MACROD2: variants seen among roughly 807,000 people sequenced by gnomAD.
MACROD2 encodes the protein mono-ADP ribosylhydrolase 2, also known as ADP-ribose glycohydrolase MACROD2.
In MACROD2, 36 loss-of-function variants were observed where a neutral mutation model predicts 70.4. That is an observed-to-expected ratio of 0.51 (90% confidence interval 0.39 to 0.68). MACROD2 has a LOEUF of 0.68. Among genes scored for constraint, MACROD2 ranks in the 30% least tolerant of loss-of-function variants. The probability of loss-of-function intolerance (pLI) is 0.00; values close to 1 mark genes in which losing one functional copy is unlikely to be tolerated. For synonymous variants in MACROD2, 172 were observed against 178.8 expected (o/e 0.96, Z 0.30); for missense variants, 496 against 538.4 (o/e 0.92, Z 0.78).
intron 3 of MACROD2, among the ~76,000 whole-genome samples, chr20:14,311,546 T>C (rs2082566889): frequency 6.6e-6 from 1 of 152,010 alleles, no homozygotes; most frequent in African/African-American, 2.4e-5. Flanking sequence ...TGAGACTGAG[T>C]TCACTCCGTC....
At chr20:15,694,073 C>T (rs76351327) in intron 8 of MACROD2, among the ~76,000 whole-genome samples, 3 of 152,118 alleles carry the variant, frequency 2.0e-5, no homozygotes, top group African/African-American at 7.2e-5. Context: ...GCATAGTATT[C>T]CATCATATAT....
intron 8 of MACROD2, among the ~76,000 whole-genome samples, chr20:15,504,066 T>A (rs1358238928): frequency 6.6e-6 from 1 of 152,180 alleles, no homozygotes; most frequent in Non-Finnish European, 1.5e-5. Context: ...GAATGTGCAC[T>A]TTTTCTTTCC....
intron 5 of MACROD2, among the ~76,000 whole-genome samples, chr20:14,695,907 G>T (rs2071120222): frequency 6.6e-6 from 1 of 152,146 alleles, no homozygotes; most frequent in African/African-American, 2.4e-5. Flanking sequence ...AGGGTAATTT[G>T]TTACGTAGCA....
At chr20:14,189,206 A>G (rs904985866) in intron 3 of MACROD2, among the ~76,000 whole-genome samples, 8 of 152,194 alleles carry the variant, frequency 5.3e-5, no homozygotes, top group Non-Finnish European at 7.4e-5. Context: ...TTACTTTACT[A>G]AAATTCCCAA....
chr20:15,340,081 T>A (rs917011118), intron 6 of MACROD2, among the ~76,000 whole-genome samples: 5 of 151,624 alleles, frequency 3.3e-5, no homozygotes, highest in African/African-American at 1.2e-4. Flanking sequence ...TATGTGCTTT[T>A]TCGTCCTTTG....
intron 8 of MACROD2, among the ~76,000 whole-genome samples, chr20:15,687,154 GCTCTAT>G (rs1237342843): frequency 2.0e-5 from 3 of 151,284 alleles, no homozygotes; most frequent in African/African-American, 7.3e-5. Flanking sequence ...CCAGGGAGCA[GCTCTAT>G]CACTTAATAA....
At chr20:14,816,796 G>A (rs2072778944) in intron 5 of MACROD2, among the ~76,000 whole-genome samples, 1 of 151,894 alleles carries the variant, frequency 6.6e-6, no homozygotes, top group Admixed American at 6.6e-5. Flanking sequence ...TGGATTATAT[G>A]AGATTCTGGC....
At chr20:14,960,729 C>T (rs2074575747) in intron 5 of MACROD2, among the ~76,000 whole-genome samples, 1 of 152,102 alleles carries the variant, frequency 6.6e-6, no homozygotes, top group Non-Finnish European at 1.5e-5. Flanking sequence ...TAGAATTCCA[C>T]ATCAAATATA....
At chr20:14,313,979 A>G (rs1419991784) in intron 3 of MACROD2, among the ~76,000 whole-genome samples, 2 of 152,170 alleles carry the variant, frequency 1.3e-5, no homozygotes, top group African/African-American at 4.8e-5. Flanking sequence ...TCTAATACCA[A>G]GAGTGGCTAA....
At chr20:16,001,475 G>A (rs545151424) in intron 15 of MACROD2, among the ~76,000 whole-genome samples, 6 of 152,302 alleles carry the variant, frequency 3.9e-5, no homozygotes, top group South Asian at 4.1e-4. Flanking sequence ...AAATGTTGTC[G>A]AGATGAATCA....
chr20:14,864,192 C>G (rs562786333), intron 5 of MACROD2, among the ~76,000 whole-genome samples: 1 of 152,262 alleles, frequency 6.6e-6, no homozygotes, highest in South Asian at 2.1e-4. Flanking sequence ...CTGCCTAAGA[C>G]ATGATTATTG....
At chr20:15,973,771 C>T (rs945966419) in intron 13 of MACROD2, among the ~76,000 whole-genome samples, 1 of 152,062 alleles carries the variant, frequency 6.6e-6, no homozygotes, top group Non-Finnish European at 1.5e-5. Context: ...CAAAAGAAAA[C>T]ATGAAGAACT....
At chr20:15,830,360 C>G (rs2064042003) in intron 8 of MACROD2, among the ~76,000 whole-genome samples, 1 of 152,214 alleles carries the variant, frequency 6.6e-6, no homozygotes, top group Non-Finnish European at 1.5e-5. Context: ...GCCAGTATAA[C>G]TCCGATCTTC....
chr20:14,051,673 TAATG>T (rs1220379505), intron 2 of MACROD2: 6 of 341,320 alleles, frequency 1.8e-5, no homozygotes, highest in African/African-American at 1.1e-4. Flanking sequence ...ATAAATAAAA[TAATG>T]AATGGTAAAG....
At chr20:14,828,213 T>C (rs1476764364) in intron 5 of MACROD2, among the ~76,000 whole-genome samples, 1 of 152,138 alleles carries the variant, frequency 6.6e-6, no homozygotes, top group Non-Finnish European at 1.5e-5. Context: ...ATTCTAAGTA[T>C]ATAGCAGAAT....
rs114217625 is a variant in MACROD2, at chr20:15,071,383, A to T, written c.419-158557A>T. Among the ~76,000 whole-genome samples the T allele has an allele frequency of 8.8e-3, 1,341 of 152,298 alleles. 23 individuals carry two copies. Among genetic ancestry groups the T allele is most frequent in the African/African-American group, 0.03 (1,265 of 41,582 alleles). ...ATTTATCTGAATACATGTTGCTCTCATCTGTGATTTCCTGGAGGATAGGAA... is the reference window on the plus strand; with the variant it reads ...ATTTATCTGAATACATGTTGCTCTCTTCTGTGATTTCCTGGAGGATAGGAA... On this transcript the variant is annotated intron_variant, in intron 5 of 17. Transcript: ENST00000684519.
chr20:14,427,153 G>T (rs916628812), intron 3 of MACROD2, among the ~76,000 whole-genome samples: 1 of 151,302 alleles, frequency 6.6e-6, no homozygotes. Flanking sequence ...TTTTTTAAAC[G>T]GTGAAACTTT....
At position 15,921,128 on chromosome 20, in the gene MACROD2, C is replaced by G. The variant is rs1462237514; in HGVS notation, c.776-12148C>G. Among the ~76,000 whole-genome samples the G allele has an allele frequency of 1.3e-5, 2 of 152,142 alleles. 1 individual carries two copies. The highest frequency in any genetic ancestry group is 2.9e-5 in the Non-Finnish European group (2 of 68,032). ...AACCCACCCATGGCTCCCAGCTGCC[C>G]CCGTAGACATGCCTCACTCCCAGCA... On this transcript the variant is annotated intron_variant, in intron 10 of 17. Coordinates refer to ENST00000684519, the MANE Select transcript of MACROD2 (RefSeq NM_001351661.2).
intron 3 of MACROD2, among the ~76,000 whole-genome samples, chr20:14,175,470 T>C (rs1279833028): frequency 6.6e-6 from 1 of 152,180 alleles, no homozygotes; most frequent in African/African-American, 2.4e-5. Flanking sequence ...TGTTCTGTGA[T>C]CCTATGATTA....
Sources: allele counts gnomAD v4.1 joint callset (sites outside exome capture counted in the v4.1 genomes callset), GRCh38; gene constraint gnomAD v4.1.1; transcripts MANE v1.5; gene names NCBI Gene and HGNC (gene_info 2026-07-23, HGNC 2026-07-21).